MPRIP: variants seen among roughly 807,000 people sequenced by gnomAD.
MPRIP encodes the protein myosin phosphatase Rho interacting protein.
A neutral mutation model predicts 234.9 loss-of-function variants in MPRIP; 59 were observed. The ratio of observed to expected loss-of-function variants is 0.25; its 90% confidence interval spans 0.20 to 0.31. The LOEUF is 0.31. Ranked by LOEUF, MPRIP falls within the 10% of genes least tolerant of loss-of-function variation. The pLI, the probability that MPRIP is intolerant of heterozygous loss-of-function variation, is 1.00. For missense variants in MPRIP, 2,436 were observed against 3,071.0 expected (o/e 0.79, Z 4.89); for synonymous variants, 1,144 against 1,263.9 (o/e 0.91, Z 2.01).
chr17:17,164,810 C>G lies in MPRIP; in HGVS notation c.3219C>G (p.Phe1073Leu). The change falls in exon 16 of 24, where the codon TTC (phenylalanine) becomes TTG (leucine). Residue 1073 changes from phenylalanine (F) to leucine (L), a missense_variant. Physicochemically the swap from Phe to Leu is conservative, Grantham distance 22. Around this residue, in one of 4 missense-constraint regions of MPRIP, gnomAD observed 1,998 missense variants for 2,520.3 expected, o/e 0.79. Transcript: ENST00000651222. ...TLQKEKLSAT[F>L]EGSEQVHQLE... ...AGAAGGAGAAGCTGAGCGCCACTTT[C>G]GAGGGCAGTGAGCAGGTGCACCAGC... is the stretch of plus-strand genomic sequence containing the variant. 1.7e-5 allele frequency: 22 copies of G among 1,304,128 alleles called. No homozygotes were observed. The highest frequency in any genetic ancestry group is 2.2e-5 in the Non-Finnish European group (22 of 988,938). 80.8% of individuals were successfully genotyped at this position (1,304,128 alleles called of 1,614,324 possible). A position where few individuals can be genotyped will look rare whatever the true frequency, so the allele number is the denominator to read the frequency against.
chr17:17,085,216 C>T (rs1217550509), intron 3 of MPRIP, among the ~76,000 whole-genome samples: 1 of 152,172 alleles, frequency 6.6e-6, no homozygotes, highest in South Asian at 2.1e-4. Flanking sequence ...GTAGGCACCT[C>T]CCGGGCTATT....
rs1434266888 is a variant in MPRIP, at chr17:17,108,686, CAG to C, written c.268-18015_268-18014del. ...CTGCTTCTCCCTGCTGTAGATCCCT[CAG>C]GGGTGACCGGGAGGGTGCTGGGGGT... On this transcript the variant is annotated intron_variant, in intron 3 of 23. Transcript: ENST00000651222. Among the ~76,000 whole-genome samples, 3 of 152,220 alleles carry C rather than the reference CAG, an allele frequency of 2.0e-5. No homozygotes were observed. In the East Asian group the frequency reaches 5.8e-4, roughly 29 times the overall value.
At chr17:17,118,876 C>G (rs1239498962) in intron 3 of MPRIP, among the ~76,000 whole-genome samples, 2 of 152,166 alleles carry the variant, frequency 1.3e-5, no homozygotes, top group East Asian at 3.9e-4. Context: ...CCCAGAGGGA[C>G]TTTGGGCCAA....
intron 3 of MPRIP, among the ~76,000 whole-genome samples, chr17:17,094,748 C>G (rs967756416): frequency 5.3e-5 from 8 of 151,676 alleles, no homozygotes; most frequent in Admixed American, 5.3e-4. Flanking sequence ...GTAGCTGGGA[C>G]TACAGGTATG....
intron 1 of MPRIP, among the ~76,000 whole-genome samples, chr17:17,070,903 G>A (rs970106415): frequency 6.6e-6 from 1 of 152,186 alleles, no homozygotes; most frequent in African/African-American, 2.4e-5. Context: ...CAGTGCTTCC[G>A]TGGGGGAAGG....
intron 1 of MPRIP, among the ~76,000 whole-genome samples, chr17:17,074,707 G>T (rs919944141): frequency 5.3e-5 from 8 of 152,230 alleles, no homozygotes; most frequent in Admixed American, 1.3e-4. Context: ...GCCTATTCTG[G>T]ACCATTTGCA....
At chr17:17,090,325 G>A (rs1016598305) in intron 3 of MPRIP, among the ~76,000 whole-genome samples, 2 of 152,172 alleles carry the variant, frequency 1.3e-5, no homozygotes, top group African/African-American at 2.4e-5. Flanking sequence ...GCCCCAACCC[G>A]TCCCCTGTCC....
intron 1 of MPRIP, among the ~76,000 whole-genome samples, chr17:17,051,431 G>A (rs1220041144): frequency 6.6e-6 from 1 of 152,148 alleles, no homozygotes; most frequent in African/African-American, 2.4e-5. Flanking sequence ...CTCTTTCTCA[G>A]CTGAATGACA....
In MPRIP at chr17:17,184,727, G is replaced by A. The variant is rs117400707; in HGVS notation, c.7207-96G>A. On this transcript the variant is annotated intron_variant, in intron 23 of 23. Coordinates refer to ENST00000651222, the MANE Select transcript of MPRIP (RefSeq NM_001364716.4). ...ACCTGCACCCGGCTCTCTGACTGAT[G>A]CCGGCTCCACCAGCGGTCCGGTCTG... is the stretch of plus-strand genomic sequence containing the variant. 152 of 888,806 alleles carry A rather than the reference G, an allele frequency of 1.7e-4. 1 individual carries two copies. In the East Asian group the frequency reaches 3.8e-3, roughly 22 times the overall value. 55.1% of individuals were successfully genotyped at this position (888,806 alleles called of 1,614,324 possible). A position where few individuals can be genotyped will look rare whatever the true frequency, so the allele number is the denominator to read the frequency against.
chr17:17,142,979 T>C (rs996884106), intron 8 of MPRIP, among the ~76,000 whole-genome samples: 23 of 152,184 alleles, frequency 1.5e-4, no homozygotes, highest in African/African-American at 4.6e-4. Context: ...GATATTCTCA[T>C]GCATTTTAGA....
chr17:17,053,702 G>A (rs553331420), intron 1 of MPRIP, among the ~76,000 whole-genome samples: 33 of 152,282 alleles, frequency 2.2e-4, no homozygotes, highest in African/African-American at 6.5e-4. Context: ...GATTTTGTGG[G>A]CAAGCTGGCC....
intron 22 of MPRIP, chr17:17,178,617 G>A: frequency 6.6e-6 from 1 of 152,160 alleles, no homozygotes; most frequent in Admixed American, 6.6e-5. Flanking sequence ...AATGAAAGAG[G>A]TCAAAACTCC....
chr17:17,096,948 G>T (rs942333383), intron 3 of MPRIP: 1 of 390,756 alleles, frequency 2.6e-6, no homozygotes, highest in Non-Finnish European at 5.3e-6. Context: ...GCCAGCCATC[G>T]CAGGGAGCAT....
chr17:17,181,851 G>C (rs1411356829), intron 23 of MPRIP: 1 of 152,044 alleles, frequency 6.6e-6, no homozygotes, highest in Non-Finnish European at 1.5e-5. Flanking sequence ...TCTCACAGTG[G>C]CTGGGAACCA....
At chr17:17,122,978 A>C (rs574613100) in intron 3 of MPRIP, among the ~76,000 whole-genome samples, 17 of 152,376 alleles carry the variant, frequency 1.1e-4, no homozygotes, top group African/African-American at 3.8e-4. Context: ...ATGTCCATCA[A>C]CAGATGAATG....
chr17:17,138,425 C>T lies in MPRIP; in HGVS notation c.1246C>T (p.Arg416Trp), dbSNP rs1053067928. 2.0e-5 allele frequency: 5 copies of T among 250,504 alleles called. No homozygotes were observed. In the Admixed American group the frequency reaches 2.1e-4, roughly 11 times the overall value. 15.5% of individuals were successfully genotyped at this position (250,504 alleles called of 1,614,324 possible). A position where few individuals can be genotyped will look rare whatever the true frequency, so the allele number is the denominator to read the frequency against. The change falls in exon 7 of 24, where the codon CGG (arginine) becomes TGG (tryptophan). Residue 416 changes from arginine to tryptophan, a missense_variant. Arg to Trp is a moderately radical substitution (Grantham distance 101). Around this residue, in one of 4 missense-constraint regions of MPRIP, gnomAD observed 267 missense variants for 252.7 expected, o/e 1.06. Transcript: ENST00000651222. The surrounding 1 kb of genome is among the most constrained non-coding windows in gnomAD (Gnocchi z 5.8). ...EEVARLFGNE[R>W]RRSQVIEKFE... ...GGTGGCCCGTCTGTTTGGCAACGAG[C>T]GGAGGTAAGGAGCAGGTTAGAGGGT... is the stretch of plus-strand genomic sequence containing the variant.
chr17:17,055,751 C>T (rs530795777), intron 1 of MPRIP, among the ~76,000 whole-genome samples: 31 of 152,252 alleles, frequency 2.0e-4, no homozygotes, highest in African/African-American at 6.0e-4. Context: ...CTAGGGGGCC[C>T]GGCCAGCTAG....
At chr17:17,059,161 A>G (rs1465377145) in intron 1 of MPRIP, among the ~76,000 whole-genome samples, 1 of 152,198 alleles carries the variant, frequency 6.6e-6, no homozygotes, top group Non-Finnish European at 1.5e-5. Context: ...TAAGACAAAA[A>G]TTTGCTGAAA....
Position 17,186,416 on chromosome 17 carries a change from C to G in MPRIP, c.*1522C>G, listed in dbSNP as rs1597540640. 1 of 152,192 alleles carries G rather than the reference C, an allele frequency of 6.6e-6. No individual in the cohort carries two copies. The highest frequency in any genetic ancestry group is 1.9e-4 in the East Asian group (1 of 5,206). The allele number at this position is 152,192 out of a possible 1,614,324, so 9.4% of individuals were successfully genotyped here. The stretch of plus-strand genomic sequence containing the variant: ...GTGTTTTCAGACCCAGGTTTAGGTG[C>G]TCTCTTCTCACTGAAATAACTAAGT... On this transcript the variant is annotated 3_prime_UTR_variant, in exon 24 of 24. Coordinates refer to ENST00000651222, the MANE Select transcript of MPRIP (RefSeq NM_001364716.4).
Sources: gnomAD v4.1 joint callset for allele counts (sites outside exome capture counted in the v4.1 genomes callset) on GRCh38, gnomAD v4.1.1 for gene constraint, gnomAD v4.1.1 regional missense constraint, Gnocchi (gnomAD v3.1) non-coding constraint, MANE v1.5 for transcripts, NCBI Gene and HGNC (gene_info 2026-07-23, HGNC 2026-07-21) for gene names.